Variants in SNX7 observed in about 807,000 individuals in gnomAD.
The protein encoded by SNX7 is sorting nexin-7.
Under a neutral mutation model 48.4 loss-of-function variants are expected in SNX7, and 35 were observed. The observed-to-expected ratio is 0.72, with a 90% CI of 0.55 to 0.96. The LOEUF (loss-of-function observed/expected upper bound fraction) is 0.96, where lower values mean the gene tolerates loss of function less well. Ranked by LOEUF, SNX7 falls within the 40% of genes least tolerant of loss-of-function variation. The pLI is 0.00. For missense variants in SNX7, 553 were observed against 548.9 expected (o/e 1.01, Z -0.07); for synonymous variants, 190 against 190.2 (o/e 1.00, Z 0.01).
At chr1:98,737,408 A>G (rs1557831436) in intron 7 of SNX7, among the ~76,000 whole-genome samples, 1 of 152,110 alleles carries the variant, frequency 6.6e-6, no homozygotes, top group Admixed American at 6.6e-5. Flanking sequence ...TCCCCAGTAC[A>G]GTATAAGCTG....
chr1:98,728,753 G>A (rs955203063), intron 7 of SNX7, among the ~76,000 whole-genome samples: 16 of 152,190 alleles, frequency 1.1e-4, no homozygotes, highest in African/African-American at 3.9e-4. Context: ...AACTAATCTA[G>A]ATACATATGC....
intron 7 of SNX7, among the ~76,000 whole-genome samples, chr1:98,711,081 A>G (rs1652276839): frequency 1.3e-5 from 2 of 152,150 alleles, no homozygotes; most frequent in South Asian, 4.1e-4. Flanking sequence ...CAATGGCACG[A>G]TCTTGGCTCA....
At chr1:98,690,738 C>T (rs571001193) in intron 2 of SNX7, among the ~76,000 whole-genome samples, 33 of 152,194 alleles carry the variant, frequency 2.2e-4, no homozygotes, top group African/African-American at 7.7e-4. Flanking sequence ...ATTCAGAACA[C>T]ACTTGCTTGT....
At chr1:98,736,155 A>G (rs1411104641) in intron 7 of SNX7, among the ~76,000 whole-genome samples, 1 of 152,204 alleles carries the variant, frequency 6.6e-6, no homozygotes, top group Non-Finnish European at 1.5e-5. Context: ...TATGTGATTT[A>G]GACACAGTGT....
At chr1:98,733,026 A>G (rs142050927) in intron 7 of SNX7, among the ~76,000 whole-genome samples, 1 of 152,110 alleles carries the variant, frequency 6.6e-6, no homozygotes, top group Non-Finnish European at 1.5e-5. Context: ...AAACCACCCA[A>G]ATTAGTGTAG....
Position 98,695,605 on chromosome 1 carries a change from G to C in SNX7, c.727G>C (p.Val243Leu). The change falls in exon 5 of 9, where the codon GTT becomes CTT. Residue 243 changes from valine (V) to leucine (L), a missense_variant. Physicochemically the swap from Val to Leu is conservative, Grantham distance 32. Coordinates refer to ENST00000306121, the MANE Select transcript of SNX7 (RefSeq NM_015976.5). Reference sequence around the variant, plus strand: ...AGCTGTTGCGTCCTCAATGAGAGGAGTTAAAAACCGCCCAGAGGAGTTCAT... The same window carrying C: ...AGCTGTTGCGTCCTCAATGAGAGGACTTAAAAACCGCCCAGAGGAGTTCAT... ...VRAVASSMRGVKNRPEEFMEM... is the reference protein window; with the variant it reads ...VRAVASSMRGLKNRPEEFMEM... 1.2e-6 allele frequency: 2 copies of C among 1,614,052 alleles called. No individual in the cohort carries two copies. Among genetic ancestry groups the C allele is most frequent in the South Asian group, 2.2e-5 (2 of 91,082 alleles).
At chr1:98,710,404 C>G (rs60707709) in intron 7 of SNX7, among the ~76,000 whole-genome samples, 1 of 151,890 alleles carries the variant, frequency 6.6e-6, no homozygotes, top group Non-Finnish European at 1.5e-5. Flanking sequence ...TAATTTCTAA[C>G]GAAAGACTAA....
intron 8 of SNX7, 24 bp downstream of exon 8, chr1:98,738,413 C>T: frequency 6.2e-7 from 1 of 1,605,404 alleles, no homozygotes; most frequent in Non-Finnish European, 8.5e-7. Context: ...TTTGATATTG[C>T]TTCATTTTAA....
chr1:98,754,104 G>A (rs991525163), intron 8 of SNX7, among the ~76,000 whole-genome samples: 3 of 151,866 alleles, frequency 2.0e-5, no homozygotes, highest in African/African-American at 7.2e-5. Flanking sequence ...AATAAGCAAT[G>A]GACATTGGAA....
intron 7 of SNX7, among the ~76,000 whole-genome samples, chr1:98,711,662 TCTTTC>T (rs1237398320): frequency 2.6e-5 from 4 of 152,232 alleles, no homozygotes; most frequent in Non-Finnish European, 5.9e-5. Flanking sequence ...TGGTAGAGTG[TCTTTC>T]CTTTATGTTG....
At chr1:98,668,467 A>G (rs1224119939) in intron 1 of SNX7, among the ~76,000 whole-genome samples, 1 of 152,324 alleles carries the variant, frequency 6.6e-6, no homozygotes, top group South Asian at 2.1e-4. Context: ...TCTTTGGAAT[A>G]CTGTGTTAAG....
chr1:98,661,665 A>C, upstream of SNX7: 4 of 1,175,092 alleles, frequency 3.4e-6, no homozygotes, highest in Non-Finnish European at 4.2e-6. Flanking sequence ...CGTGGGAGCC[A>C]ATGGGCACGC....
intron 1 of SNX7, among the ~76,000 whole-genome samples, chr1:98,668,272 T>G (rs769163689): frequency 1.3e-5 from 2 of 152,226 alleles, no homozygotes; most frequent in Non-Finnish European, 2.9e-5. Flanking sequence ...GACATGATAT[T>G]GAATTTAAAC....
At chr1:98,676,689 A>G (rs1469939749) in intron 1 of SNX7, among the ~76,000 whole-genome samples, 1 of 152,226 alleles carries the variant, frequency 6.6e-6, no homozygotes, top group African/African-American at 2.4e-5. Context: ...ACAAGTCCAT[A>G]TTATGATTTC....
At chr1:98,662,850 A>T (rs1477569516) in intron 1 of SNX7, 2 of 1,288,608 alleles carry the variant, frequency 1.6e-6, no homozygotes, top group African/African-American at 1.5e-5. Flanking sequence ...CACCGCATTT[A>T]CTCTGGGAGA....
chr1:98,744,637 T>A (rs770413755), intron 8 of SNX7, among the ~76,000 whole-genome samples: 1 of 152,116 alleles, frequency 6.6e-6, no homozygotes, highest in Non-Finnish European at 1.5e-5. Context: ...CTAACTCATT[T>A]CTATTTCACT....
chr1:98,727,118 G>C (rs944729901), intron 7 of SNX7, among the ~76,000 whole-genome samples: 2 of 152,316 alleles, frequency 1.3e-5, no homozygotes, highest in Non-Finnish European at 2.9e-5. Context: ...GCCAAGGCAG[G>C]AGAATGGCGT....
chr1:98,693,003 A>T (rs1053806516), intron 4 of SNX7, among the ~76,000 whole-genome samples: 2 of 152,116 alleles, frequency 1.3e-5, no homozygotes, highest in African/African-American at 4.8e-5. Context: ...TAGTTGTCAC[A>T]AATCTCCAAA....
intron 7 of SNX7, among the ~76,000 whole-genome samples, chr1:98,710,488 A>G (rs931145507): frequency 6.6e-6 from 1 of 152,090 alleles, no homozygotes. Flanking sequence ...ACAGATGGAC[A>G]AGTAAAAGGG....
Sources: gnomAD v4.1 joint callset for allele counts (sites outside exome capture counted in the v4.1 genomes callset) on GRCh38, gnomAD v4.1.1 for gene constraint, MANE v1.5 for transcripts, NCBI Gene and HGNC (gene_info 2026-07-23, HGNC 2026-07-21) for gene names.